The following ZNF354B variants were observed in gnomAD, a reference collection of about 807,000 sequenced individuals.
The protein encoded by ZNF354B is zinc finger protein 354B.
Under a neutral mutation model 12.9 loss-of-function variants are expected in ZNF354B, and 10 were observed. The ratio of observed to expected loss-of-function variants is 0.77; its 90% CI spans 0.48 to 1.31. The LOEUF (loss-of-function observed/expected upper bound fraction) is 1.31. Ranked by LOEUF, ZNF354B falls within the 40% of genes most tolerant of loss-of-function variation. ZNF354B has a pLI of 0.00. For missense variants in ZNF354B, 614 were observed against 711.7 expected (o/e 0.86, Z 1.56); for synonymous variants, 260 against 243.7 (o/e 1.07, Z -0.62).
At chr5:178,865,673 A>G (rs1002684762) in intron 2 of ZNF354B, among the ~76,000 whole-genome samples, 6 of 152,200 alleles carry the variant, frequency 3.9e-5, no homozygotes, top group African/African-American at 1.4e-4. Flanking sequence ...TAGATACAGT[A>G]TATACTAATG....
chr5:178,863,809 G>T (rs781293777), intron 2 of ZNF354B, among the ~76,000 whole-genome samples: 1 of 152,076 alleles, frequency 6.6e-6, no homozygotes. Flanking sequence ...ATGCTGACCC[G>T]TGTAGGCCTA....
intron 2 of ZNF354B, among the ~76,000 whole-genome samples, chr5:178,862,590 A>C (rs111295415): frequency 0.15 from 22,502 of 151,922 alleles, 2,041 homozygotes; most frequent in African/African-American, 0.25. Flanking sequence ...GGATGGCCTC[A>C]ATCTCCTGAC....
chr5:178,873,368 G>A (rs1757590308), intron 4 of ZNF354B, among the ~76,000 whole-genome samples: 1 of 152,158 alleles, frequency 6.6e-6, no homozygotes, highest in African/African-American at 2.4e-5. Context: ...AATTCTGCCT[G>A]TACTTAGATC....
In ZNF354B at chr5:178,866,283, T is replaced by C. The variant is rs567321883; in HGVS notation, c.73T>C (p.Trp25Arg). The C allele has an allele frequency of 3.7e-6, 6 of 1,613,902 alleles. No homozygotes were observed. The East Asian group carries it at 6.7e-5, about 18-fold the overall frequency. The change falls in exon 3 of 5, where the codon TGG (tryptophan) becomes CGG (arginine). Residue 25 changes from tryptophan to arginine, a missense_variant. Trp to Arg is a moderately radical substitution (Grantham distance 101, BLOSUM62 -3). Transcript: ENST00000322434. ...TFEDVAVLFT[W>R]DEWRKLAPSQ... ...CGAGGACGTGGCTGTGCTCTTTACC[T>C]GGGATGAGTGGAGAAAGCTGGCTCC...
At chr5:178,877,516 A>G (rs1183619303) in intron 4 of ZNF354B, among the ~76,000 whole-genome samples, 1 of 152,216 alleles carries the variant, frequency 6.6e-6, no homozygotes, top group African/African-American at 2.4e-5. Context: ...AGAGGGGAAC[A>G]GAAGGGGAAA....
intron 4 of ZNF354B, among the ~76,000 whole-genome samples, chr5:178,871,175 C>T (rs1295326642): frequency 6.6e-6 from 1 of 152,172 alleles, no homozygotes; most frequent in Non-Finnish European, 1.5e-5. Flanking sequence ...CCCATCATGG[C>T]CTTCAGAGAC....
chr5:178,867,507 TTTGGGCAGGAATCATATGGTCC>T (rs1452102208), intron 4 of ZNF354B, among the ~76,000 whole-genome samples: 3 of 151,904 alleles, frequency 2.0e-5, no homozygotes, highest in Admixed American at 6.6e-5. Flanking sequence ...AATGGAAGGA[TTTGGGCAGGAATCATATGGTCC>T]TTGGTATCTT....
chr5:178,865,556 T>G (rs986259503), intron 2 of ZNF354B, among the ~76,000 whole-genome samples: 2 of 152,174 alleles, frequency 1.3e-5, no homozygotes, highest in Non-Finnish European at 2.9e-5. Context: ...CATGAGTCAC[T>G]GCACCCAGCC....
At position 178,882,519 on chromosome 5, in the gene ZNF354B, T is replaced by G. The variant is rs374739110; in HGVS notation, c.257-190T>G. On this transcript the variant is annotated intron_variant, in intron 4 of 4. Coordinates refer to ENST00000322434, the MANE Select transcript of ZNF354B (RefSeq NM_058230.3). ...TACACACTCACCCGCCTTAACTGAG[T>G]TTGTTTTATTCATTTGTTCACTTAT... 1.1e-4 allele frequency among the ~76,000 whole-genome samples: 17 copies of G among 152,286 alleles called. 1 individual carries two copies. The South Asian group carries it at 3.5e-3, about 32-fold the overall frequency.
chr5:178,880,464 T>G (rs979501037), intron 4 of ZNF354B, among the ~76,000 whole-genome samples: 1 of 151,766 alleles, frequency 6.6e-6, no homozygotes, highest in Non-Finnish European at 1.5e-5. Context: ...TCCCAAAGTT[T>G]TGGGATTACA....
intron 4 of ZNF354B, among the ~76,000 whole-genome samples, chr5:178,877,401 T>G (rs1448467615): frequency 6.6e-6 from 1 of 152,150 alleles, no homozygotes; most frequent in African/African-American, 2.4e-5. Context: ...ACTCCTGACC[T>G]CAAGTGATCC....
In ZNF354B at chr5:178,884,284, A is replaced by G. The variant is rs1757768311; in HGVS notation, c.1832A>G (p.His611Arg). Residue 611 changes from histidine to arginine, a missense_variant, in exon 5 of 5, where the codon CAT (histidine) becomes CGT (arginine). His to Arg is a conservative substitution (Grantham distance 29). Coordinates refer to ENST00000322434, the MANE Select transcript of ZNF354B (RefSeq NM_058230.3). ...IEEDSLKADL[H>R]V is the part of the protein sequence containing the mutation. ...GAGGACTCCTTAAAAGCCGATTTGC[A>G]TGTGTGAAAGCCTTAAACCAAAACT... is the stretch of plus-strand genomic sequence containing the variant. 11 of 1,581,174 alleles carry G rather than the reference A, an allele frequency of 7.0e-6. No individual in the cohort carries two copies. The highest frequency in any genetic ancestry group is 2.2e-5 in the East Asian group (1 of 44,548).
intron 2 of ZNF354B, among the ~76,000 whole-genome samples, chr5:178,861,895 T>G (rs1035903919): frequency 6.6e-6 from 1 of 152,152 alleles, no homozygotes; most frequent in Non-Finnish European, 1.5e-5. Context: ...GATGAAGGGA[T>G]CACATGAGTT....
At chr5:178,863,767 G>T (rs59994898) in intron 2 of ZNF354B, among the ~76,000 whole-genome samples, 15 of 152,220 alleles carry the variant, frequency 9.9e-5, no homozygotes, top group African/African-American at 3.4e-4. Context: ...TTCCAGTGGG[G>T]CAGGGTGGAG....
At chr5:178,866,846 A>G (rs1209192728) in intron 3 of ZNF354B, 130 bp from the exon 4 acceptor site, 1 of 806,002 alleles carries the variant, frequency 1.2e-6, no homozygotes, top group African/African-American at 1.8e-5. Context: ...GCCAGTTTAT[A>G]AGTTTTAATT....
At chr5:178,869,185 G>A (rs1237524545) in intron 4 of ZNF354B, among the ~76,000 whole-genome samples, 4 of 152,282 alleles carry the variant, frequency 2.6e-5, no homozygotes, top group African/African-American at 7.2e-5. Flanking sequence ...GAACCTGACC[G>A]CCACAGTGCA....
At chr5:178,879,894 A>C (rs1757692939) in intron 4 of ZNF354B, among the ~76,000 whole-genome samples, 1 of 151,936 alleles carries the variant, frequency 6.6e-6, no homozygotes, top group Non-Finnish European at 1.5e-5. Flanking sequence ...TTGAGAGGCC[A>C]AGGTGGGTGG....
At chr5:178,876,571 T>C (rs1194008151) in intron 4 of ZNF354B, among the ~76,000 whole-genome samples, 2 of 152,242 alleles carry the variant, frequency 1.3e-5, no homozygotes, top group Non-Finnish European at 2.9e-5. Context: ...TCTGTTCACT[T>C]TTTAAGTATT....
At chr5:178,876,458 G>A (rs11748636) in intron 4 of ZNF354B, among the ~76,000 whole-genome samples, 31,086 of 152,212 alleles carry the variant, frequency 0.2, 3,647 homozygotes, top group Non-Finnish European at 0.25. Flanking sequence ...GTACAGAGCT[G>A]CTACTGGCCC....
Sources: allele counts gnomAD v4.1 joint callset (sites outside exome capture counted in the v4.1 genomes callset), GRCh38; gene constraint gnomAD v4.1.1; transcripts MANE v1.5; gene names NCBI Gene and HGNC (gene_info 2026-07-23, HGNC 2026-07-21).